TRDN: variants seen among roughly 807,000 people sequenced by gnomAD.
The protein encoded by TRDN is triadin.
A neutral mutation model predicts 149.7 loss-of-function variants in TRDN; 161 were observed. The ratio of observed to expected loss-of-function variants is 1.08; its 90% confidence interval spans 0.95 to 1.23. The LOEUF (loss-of-function observed/expected upper bound fraction) is 1.23, where lower values mean the gene tolerates loss of function less well. Among genes scored for constraint, TRDN ranks in the 50% most tolerant of loss-of-function variants. The pLI, the probability that TRDN is intolerant of heterozygous loss-of-function variation, is 0.00. For synonymous variants in TRDN, 294 were observed against 250.5 expected, an observed-to-expected ratio of 1.17 and a Z score of -1.64; for missense variants, 896 against 823.5, an observed-to-expected ratio of 1.09 and a Z score of -1.08.
intron 3 of TRDN, among the ~76,000 whole-genome samples, chr6:123,547,843 G>A (rs1458302535): frequency 2.0e-5 from 3 of 151,854 alleles, no homozygotes; most frequent in African/African-American, 7.3e-5. Context: ...TCATTCAATG[G>A]CAGCTTTTAT....
At chr6:123,463,166 T>A (rs1422920666) in intron 10 of TRDN, 1 of 151,740 alleles carries the variant, frequency 6.6e-6, no homozygotes, top group Non-Finnish European at 1.5e-5. Context: ...TGAAACCCCG[T>A]CTCTACTAAA....
At chr6:123,544,792 G>A (rs7765699) in intron 4 of TRDN, among the ~76,000 whole-genome samples, 1,920 of 151,892 alleles carry the variant, frequency 0.013, 41 homozygotes, top group African/African-American at 0.043. Context: ...AGAATATAAA[G>A]ACACTAGGTA....
chr6:123,309,367 A>G (rs1778730604), intron 24 of TRDN, among the ~76,000 whole-genome samples: 1 of 151,898 alleles, frequency 6.6e-6, no homozygotes, highest in Non-Finnish European at 1.5e-5. Flanking sequence ...CTAGCTCCTA[A>G]ATATAGCTAC....
At chr6:123,444,090 A>C (rs1419038263) in intron 10 of TRDN, among the ~76,000 whole-genome samples, 1 of 147,850 alleles carries the variant, frequency 6.8e-6, no homozygotes, top group Non-Finnish European at 1.5e-5. Flanking sequence ...GATGGCATTG[A>C]ATCTGTAAAT....
chr6:123,596,472 C>T (rs988226722), intron 1 of TRDN, among the ~76,000 whole-genome samples: 3 of 152,074 alleles, frequency 2.0e-5, no homozygotes, highest in Admixed American at 6.6e-5. Context: ...CTACACTAAA[C>T]AACAAACTTT....
chr6:123,238,973 T>G (rs1775888805), intron 38 of TRDN, among the ~76,000 whole-genome samples: 1 of 152,146 alleles, frequency 6.6e-6, no homozygotes, highest in African/African-American at 2.4e-5. Context: ...CCCAAGTAGC[T>G]GGAACTACAG....
intron 14 of TRDN, among the ~76,000 whole-genome samples, chr6:123,383,539 C>G (rs898469209): frequency 2.0e-5 from 3 of 151,770 alleles, no homozygotes; most frequent in Non-Finnish European, 2.9e-5. Context: ...ACCCTCTGAA[C>G]AATAAGAGAG....
intron 1 of TRDN, among the ~76,000 whole-genome samples, chr6:123,587,240 T>C (rs1229183058): frequency 6.6e-6 from 1 of 151,948 alleles, no homozygotes; most frequent in East Asian, 1.9e-4. Context: ...ATCAGAGAGG[T>C]GTCCCTCCAA....
intron 9 of TRDN, among the ~76,000 whole-genome samples, chr6:123,465,366 A>AT (rs1295521142): frequency 6.6e-6 from 1 of 151,918 alleles, no homozygotes; most frequent in Non-Finnish European, 1.5e-5. Flanking sequence ...ATTAATCACT[A>AT]TTTTTTCCAT....
At chr6:123,272,398 T>C (rs951323232) in intron 29 of TRDN, among the ~76,000 whole-genome samples, 1 of 151,884 alleles carries the variant, frequency 6.6e-6, no homozygotes, top group Non-Finnish European at 1.5e-5. Flanking sequence ...TAAATAAAAA[T>C]TAATTCATAA....
intron 38 of TRDN, among the ~76,000 whole-genome samples, chr6:123,242,397 C>T (rs9388195): frequency 0.7 from 106,759 of 151,890 alleles, 38,927 homozygotes; most frequent in Non-Finnish European, 0.81. Flanking sequence ...TCTCACACAT[C>T]CTCCTCCCAA....
chr6:123,516,435 T>G (rs565754457), intron 5 of TRDN, among the ~76,000 whole-genome samples: 1 of 152,222 alleles, frequency 6.6e-6, no homozygotes, highest in Admixed American at 6.5e-5. Context: ...AAACCAAGTC[T>G]GATTGCAAAG....
intron 4 of TRDN, among the ~76,000 whole-genome samples, chr6:123,546,579 G>C (rs1245112059): frequency 6.6e-6 from 1 of 152,040 alleles, no homozygotes; most frequent in Non-Finnish European, 1.5e-5. Flanking sequence ...CTTGAATGTT[G>C]GCTGTTTTCT....
At chr6:123,565,648 T>C (rs1583255486) in intron 2 of TRDN, among the ~76,000 whole-genome samples, 1 of 152,314 alleles carries the variant, frequency 6.6e-6, no homozygotes. Flanking sequence ...TTATTTATTG[T>C]CTGAAGGTTG....
At chr6:123,381,956 G>A (rs982131863) in intron 15 of TRDN, among the ~76,000 whole-genome samples, 162 bp downstream of exon 15, 1 of 138,452 alleles carries the variant, frequency 7.2e-6, no homozygotes, top group African/African-American at 2.7e-5. Context: ...TAGATTTGGC[G>A]CTCTCTCTCT....
At chr6:123,509,064 C>T (rs1779051279) in intron 7 of TRDN, among the ~76,000 whole-genome samples, 1 of 151,770 alleles carries the variant, frequency 6.6e-6, no homozygotes, top group African/African-American at 2.4e-5. Flanking sequence ...ATGTTTTAAA[C>T]AGACACATAT....
chr6:123,293,570 C>T (rs1253883880), intron 24 of TRDN, among the ~76,000 whole-genome samples: 1 of 151,964 alleles, frequency 6.6e-6, no homozygotes, highest in Non-Finnish European at 1.5e-5. Context: ...GGTAGGAGTA[C>T]CCCCCTTCTG....
In TRDN at chr6:123,388,550, T is replaced by C; in HGVS notation, c.1107A>G (p.Ala369=). The stretch of plus-strand genomic sequence containing the variant: ...CCTTCTTTTCATCCTTCTTAGCTGC[T>C]GCTGAAGTAATGAAAATAGCGTTAA... The part of the protein sequence containing the change: ...KQGTVKIAAQ[A]AAKKDEKKED... Residue 369 remains alanine, a splice_region_variant and synonymous_variant, in exon 14 of 41, where the codon GCA becomes GCG. Coordinates refer to ENST00000334268, the MANE Select transcript of TRDN (RefSeq NM_006073.4). 6.3e-7 allele frequency: 1 copy of C among 1,585,090 alleles called. No homozygotes were observed.
intron 7 of TRDN, among the ~76,000 whole-genome samples, chr6:123,510,595 C>T (rs1001589350): frequency 1.3e-5 from 2 of 150,638 alleles, no homozygotes; most frequent in Non-Finnish European, 2.9e-5. Context: ...ACTTTCAGTT[C>T]TCAAACTTTT....
Sources: gnomAD v4.1 joint callset for allele counts (sites outside exome capture counted in the v4.1 genomes callset) on GRCh38, gnomAD v4.1.1 for gene constraint, MANE v1.5 for transcripts, NCBI Gene and HGNC (gene_info 2026-07-23, HGNC 2026-07-21) for gene names.